The following DDAH1 variants were observed in gnomAD, a reference collection of about 807,000 sequenced individuals.
DDAH1 encodes the protein N(G),N(G)-dimethylarginine dimethylaminohydrolase 1.
Under a neutral mutation model 28.8 loss-of-function variants are expected in DDAH1, and 19 were observed. The ratio of observed to expected loss-of-function variants is 0.66; its 90% CI spans 0.46 to 0.97. The LOEUF is 0.97. DDAH1 is among the 50% of genes least tolerant of loss of function. DDAH1 has a pLI of 0.00. For synonymous variants in DDAH1, 153 were observed against 154.4 expected (o/e 0.99, Z 0.07); for missense variants, 326 against 375.9 (o/e 0.87, Z 1.10).
intron 1 of DDAH1, among the ~76,000 whole-genome samples, chr1:85,444,003 T>C (rs1360558564): frequency 1.3e-5 from 2 of 152,212 alleles, no homozygotes; most frequent in Admixed American, 6.5e-5. Flanking sequence ...GAATACCCTT[T>C]ATTTCTTTCT....
chr1:85,525,567 T>TCACACACA (rs3058870), intron 1 of DDAH1, among the ~76,000 whole-genome samples: 72,958 of 148,984 alleles, frequency 0.49, 19,177 homozygotes, highest in Non-Finnish European at 0.58. Context: ...AGAATGATAT[T>TCACACACA]CACACACACA....
chr1:85,378,326 A>G (rs1382815222), intron 1 of DDAH1, among the ~76,000 whole-genome samples: 2 of 152,222 alleles, frequency 1.3e-5, no homozygotes, highest in African/African-American at 2.4e-5. Context: ...TGTAATGGAA[A>G]GAGGATTGTG....
chr1:85,324,703 G>T, intron 5 of DDAH1, 37 bp downstream of exon 5: 1 of 1,610,712 alleles, frequency 6.2e-7, no homozygotes, highest in South Asian at 1.1e-5. Context: ...CAGGGAGGCT[G>T]ACCCAGCTGC....
rs1282963557 is a variant in DDAH1 at position 85,464,722 on chromosome 1, G to T, written c.303+21C>A. The T allele has an allele frequency of 6.8e-7, 1 of 1,466,714 alleles. No homozygotes were observed. 90.9% of individuals were successfully genotyped at this position (1,466,714 alleles called of 1,614,324 possible). A position where few individuals can be genotyped will look rare whatever the true frequency, so the allele number is the denominator to read the frequency against. The stretch of plus-strand genomic sequence containing the variant: ...AGGGCCTGGCGCGCGCCCCGGCCGC[G>T]CCCCTCGAGTCGGCAGTTACCTCCT... On this transcript the variant is annotated intron_variant, in intron 1 of 5. Coordinates refer to ENST00000284031, the MANE Select transcript of DDAH1 (RefSeq NM_012137.4). This position sits in a 1 kb window ranked among gnomAD's most constrained non-coding sequence, Gnocchi z 4.4.
rs187244487 is a variant in DDAH1, at chr1:85,464,448, T to C, written c.303+295A>G. The C allele has an allele frequency of 3.5e-5, 51 of 1,468,676 alleles. 1 individual carries two copies. In the East Asian group the frequency reaches 1.4e-3, roughly 41 times the overall value. 91.0% of individuals were successfully genotyped at this position (1,468,676 alleles called of 1,614,324 possible). The stretch of plus-strand genomic sequence containing the variant: ...TTGCACTGTCGTCGCTGCCGTTTAA[T>C]TTTCACAAATAAAAATGCCCGTGAG... On this transcript the variant is annotated intron_variant, in intron 1 of 5. Transcript: ENST00000284031. This position sits in a 1 kb window ranked among gnomAD's most constrained non-coding sequence, Gnocchi z 4.4.
intron 1 of DDAH1, among the ~76,000 whole-genome samples, chr1:85,538,374 AC>A (rs1226398384): frequency 1.3e-5 from 2 of 152,232 alleles, no homozygotes; most frequent in African/African-American, 4.8e-5. Flanking sequence ...AGGTGGCAGC[AC>A]CTTTTCCAAG....
chr1:85,539,743 G>A (rs1323411224), intron 1 of DDAH1, among the ~76,000 whole-genome samples: 1 of 152,024 alleles, frequency 6.6e-6, no homozygotes, highest in African/African-American at 2.4e-5. Context: ...TCCCAGATAG[G>A]TTCCATCCCT....
intron 1 of DDAH1, among the ~76,000 whole-genome samples, chr1:85,525,898 A>G (rs530568920): frequency 2.7e-4 from 41 of 152,286 alleles, no homozygotes; most frequent in African/African-American, 9.6e-4. Flanking sequence ...TAAACACTTC[A>G]TAGTGATTCT....
At chr1:85,569,296 C>G (rs1005598287) in intron 1 of DDAH1, among the ~76,000 whole-genome samples, 3 of 152,308 alleles carry the variant, frequency 2.0e-5, no homozygotes, top group African/African-American at 7.2e-5. Flanking sequence ...TCTGCCCATT[C>G]TTTTCCCATG....
In DDAH1 at chr1:85,430,863, C is replaced by T. The variant is rs192283284; in HGVS notation, c.303+33880G>A. Among the ~76,000 whole-genome samples, 340 of 152,228 alleles carry T rather than the reference C, an allele frequency of 2.2e-3. 1 individual carries two copies. The highest frequency in any genetic ancestry group is 7.9e-3 in the African/African-American group (328 of 41,550). On this transcript the variant is annotated intron_variant, in intron 1 of 5. Transcript: ENST00000284031. ...CAGAGACAATTTGACTTCCTCTCTT[C>T]CTATTTGAATACCCTTTATTTCTTT...
At chr1:85,465,290 C>G (rs966724442), upstream of DDAH1, 12 of 975,784 alleles carry the variant, frequency 1.2e-5, no homozygotes, top group South Asian at 5.0e-4. Context: ...CCAGCCCAGG[C>G]GGGAGTTGTA....
chr1:85,344,569 C>T (rs1447359711), intron 4 of DDAH1, among the ~76,000 whole-genome samples: 1 of 107,110 alleles, frequency 9.3e-6, no homozygotes, highest in Non-Finnish European at 2.3e-5. Flanking sequence ...CCTTCCCTCC[C>T]TTCATCCTTC....
intron 1 of DDAH1, among the ~76,000 whole-genome samples, chr1:85,424,052 C>T (rs751009911): frequency 8.5e-5 from 13 of 152,090 alleles, no homozygotes; most frequent in Admixed American, 2.0e-4. Context: ...GCCTTGCATA[C>T]CTGGCATAAA....
chr1:85,365,818 A>G (rs987578675), intron 1 of DDAH1, among the ~76,000 whole-genome samples: 1 of 152,168 alleles, frequency 6.6e-6, no homozygotes, highest in Non-Finnish European at 1.5e-5. Flanking sequence ...TGAAGATATC[A>G]TATCTGTGAT....
chr1:85,481,428 C>G (rs1450820196), intron 2 of DDAH1, among the ~76,000 whole-genome samples: 1 of 152,032 alleles, frequency 6.6e-6, no homozygotes, highest in Non-Finnish European at 1.5e-5. Context: ...AGAGTTATGT[C>G]TAGTCCAAAT....
intron 1 of DDAH1, among the ~76,000 whole-genome samples, chr1:85,450,905 TA>T (rs1435153755): frequency 1.3e-5 from 2 of 152,212 alleles, no homozygotes; most frequent in African/African-American, 4.8e-5. Flanking sequence ...GAAATATCTC[TA>T]AGTATTCATT....
intron 1 of DDAH1, among the ~76,000 whole-genome samples, chr1:85,535,112 T>G (rs1454324796): frequency 2.6e-5 from 4 of 152,180 alleles, no homozygotes. Flanking sequence ...AAAGGATATT[T>G]TAAAAATTAG....
chr1:85,347,862 C>A (rs556827755), intron 4 of DDAH1, among the ~76,000 whole-genome samples: 23 of 152,272 alleles, frequency 1.5e-4, no homozygotes, highest in African/African-American at 5.1e-4. Flanking sequence ...TGAGTTCATG[C>A]AAACCTGAGT....
At chr1:85,384,047 G>C (rs1214198746) in intron 1 of DDAH1, among the ~76,000 whole-genome samples, 1 of 152,142 alleles carries the variant, frequency 6.6e-6, no homozygotes, top group African/African-American at 2.4e-5. Context: ...GATGTGTAAA[G>C]TTTCTGGTAT....
Sources: allele counts gnomAD v4.1 joint callset (sites outside exome capture counted in the v4.1 genomes callset), GRCh38; gene constraint gnomAD v4.1.1; non-coding constraint Gnocchi (gnomAD v3.1); transcripts MANE v1.5; gene names NCBI Gene and HGNC (gene_info 2026-07-23, HGNC 2026-07-21).